Variants in USP34 observed in about 807,000 individuals in gnomAD.
USP34 encodes the protein ubiquitin carboxyl-terminal hydrolase 34.
Under a neutral mutation model 460.3 loss-of-function variants are expected in USP34, and 70 were observed. The ratio of observed to expected loss-of-function variants is 0.15; its 90% CI spans 0.13 to 0.19. The LOEUF (loss-of-function observed/expected upper bound fraction) is 0.19, where lower values mean the gene tolerates loss of function less well. Among genes scored for constraint, USP34 ranks in the 10% least tolerant of loss-of-function variants. USP34 has a pLI of 1.00. For synonymous variants in USP34, 1,647 were observed against 1,405.3 expected, an observed-to-expected ratio of 1.17 and a Z score of -3.85; for missense variants, 3,985 against 4,236.2, an observed-to-expected ratio of 0.94 and a Z score of 1.65.
At chr2:61,215,592 T>C (rs543007682) in intron 67 of USP34, among the ~76,000 whole-genome samples, 4 of 152,308 alleles carry the variant, frequency 2.6e-5, no homozygotes, top group African/African-American at 9.6e-5. Context: ...CATTTAATCC[T>C]CACAATGACC....
intron 34 of USP34, 23 bp downstream of exon 34, chr2:61,288,654 A>C (rs748178876): frequency 6.2e-7 from 1 of 1,604,362 alleles, no homozygotes; most frequent in East Asian, 2.2e-5. Flanking sequence ...ATTCATCATT[A>C]AACATTAATT....
intron 78 of USP34, 188 bp from the exon 79 acceptor site, chr2:61,189,257 T>G: frequency 1.9e-6 from 1 of 522,792 alleles, no homozygotes; most frequent in East Asian, 3.5e-5. Flanking sequence ...ATTTCATTAG[T>G]TGTTTTTTTT....
intron 49 of USP34, among the ~76,000 whole-genome samples, 174 bp downstream of exon 49, chr2:61,248,337 A>G (rs1688479470): frequency 6.6e-6 from 1 of 152,176 alleles, no homozygotes; most frequent in Admixed American, 6.5e-5. Flanking sequence ...TAGTCCTAGT[A>G]GATACTAAAT....
chr2:61,454,860 T>A (rs969895054), intron 1 of USP34, among the ~76,000 whole-genome samples: 1 of 74,200 alleles, frequency 1.3e-5, no homozygotes, highest in Admixed American at 1.3e-4. Context: ...TATAGTGGGG[T>A]TTTTTTTTTC....
chr2:61,448,635 GT>G (rs1695185372), intron 1 of USP34, among the ~76,000 whole-genome samples: 1 of 152,062 alleles, frequency 6.6e-6, no homozygotes, highest in Non-Finnish European at 1.5e-5. Context: ...TAAAGAAACT[GT>G]TTCCATCCAT....
At chr2:61,200,901 T>C (rs769903344) in intron 75 of USP34, 7 of 152,208 alleles carry the variant, frequency 4.6e-5, no homozygotes, top group Admixed American at 3.9e-4. Context: ...AATGATAGGA[T>C]TGTTTTTAGG....
chr2:61,285,077 A>G, intron 34 of USP34, 120 bp from the exon 35 acceptor site: 1 of 651,724 alleles, frequency 1.5e-6, no homozygotes, highest in East Asian at 2.8e-5. Flanking sequence ...CAAAATTCCA[A>G]ATTATTTTGA....
chr2:61,294,300 C>T (rs966117170), intron 32 of USP34, among the ~76,000 whole-genome samples: 12 of 151,684 alleles, frequency 7.9e-5, no homozygotes, highest in African/African-American at 1.9e-4. Context: ...AAGCAGAGAT[C>T]GCGCTGCTGC....
intron 1 of USP34, among the ~76,000 whole-genome samples, chr2:61,425,018 C>G (rs1280105642): frequency 6.6e-6 from 1 of 152,112 alleles, no homozygotes; most frequent in African/African-American, 2.4e-5. Context: ...CAGGGTTTCA[C>G]CACGTTGGCC....
chr2:61,414,028 C>T (rs866160272), intron 2 of USP34, among the ~76,000 whole-genome samples: 1 of 151,912 alleles, frequency 6.6e-6, no homozygotes, highest in South Asian at 2.1e-4. Context: ...GAGGCCAAGG[C>T]GGGTGGACTG....
At chr2:61,246,810 A>G (rs1328760709) in intron 49 of USP34, among the ~76,000 whole-genome samples, 2 of 152,152 alleles carry the variant, frequency 1.3e-5, no homozygotes, top group Non-Finnish European at 2.9e-5. Flanking sequence ...ACTTCAATAT[A>G]AAGTATAAAT....
Position 61,241,666 on chromosome 2 carries a change from C to T in USP34, c.6682-11G>A. The stretch of plus-strand genomic sequence containing the variant: ...ATATGCACTGTGTGTCTTTAAGAGG[C>T]AAGAAAAAAATTTATTTTCATTTTG... On this transcript the variant is annotated splice_polypyrimidine_tract_variant and intron_variant, in intron 52 of 79. Coordinates refer to ENST00000398571, the MANE Select transcript of USP34 (RefSeq NM_014709.4). The T allele has an allele frequency of 6.4e-7, 1 of 1,552,352 alleles. No individual in the cohort carries two copies.
intron 23 of USP34, among the ~76,000 whole-genome samples, chr2:61,317,372 C>G (rs555120131): frequency 5.9e-5 from 9 of 152,146 alleles, no homozygotes; most frequent in African/African-American, 2.2e-4. Context: ...ACCAAAAATA[C>G]AAAAATTAGC....
In USP34 at chr2:61,229,396, C is replaced by A. The variant is rs1039678267; in HGVS notation, c.7199+152G>T. On this transcript the variant is annotated intron_variant, in intron 59 of 79. Coordinates refer to ENST00000398571, the MANE Select transcript of USP34 (RefSeq NM_014709.4). ...TAGCAATTTGGGAGGCCGAGGCGGG[C>A]GGATCATTTGAACTTACGAGTTTGA... The A allele has an allele frequency of 1.0e-5, 5 of 479,074 alleles. No homozygotes were observed. In the South Asian group the frequency reaches 2.2e-4, roughly 21 times the overall value. The allele number at this position is 479,074 out of a possible 1,614,324, so 29.7% of individuals were successfully genotyped here.
chr2:61,316,922 C>A (rs1312313698), intron 23 of USP34, among the ~76,000 whole-genome samples: 3 of 151,946 alleles, frequency 2.0e-5, no homozygotes, highest in Admixed American at 1.3e-4. Context: ...AAAAATAATT[C>A]TTTTTCCTTT....
intron 75 of USP34, chr2:61,193,940 G>A (rs1217710457): frequency 4.3e-6 from 1 of 234,162 alleles, no homozygotes; most frequent in Non-Finnish European, 7.0e-6. Flanking sequence ...CTGTCTTTCA[G>A]TAAAACTTTA....
chr2:61,228,993 G>A lies in USP34; in HGVS notation c.7202C>T (p.Ser2401Leu), dbSNP rs759542943. ...TTCTACTGAGGTATCCATATCATCTGACCTAAGAGACAATTAAATAGATCT... is the reference window on the plus strand; with the variant it reads ...TTCTACTGAGGTATCCATATCATCTAACCTAAGAGACAATTAAATAGATCT... ...LYLQPGMEDG[S>L]DDMDTSVEDI... is the part of the protein sequence containing the mutation. The change falls in exon 60 of 80, where the codon TCA becomes TTA. Residue 2401 changes from serine (S) to leucine (L), a missense_variant and splice_region_variant. Ser to Leu is a moderately radical substitution (Grantham distance 145). Coordinates refer to ENST00000398571, the MANE Select transcript of USP34 (RefSeq NM_014709.4). The A allele has an allele frequency of 1.9e-5, 29 of 1,558,380 alleles. No individual in the cohort carries two copies. The highest frequency in any genetic ancestry group is 2.3e-5 in the Non-Finnish European group (27 of 1,152,176).
intron 48 of USP34, 152 bp downstream of exon 48, chr2:61,256,232 C>G (rs1426179175): frequency 3.0e-6 from 2 of 671,940 alleles, no homozygotes; most frequent in East Asian, 2.9e-5. Context: ...CACTGAACAA[C>G]TAGATGAAAA....
At chr2:61,292,543 A>C (rs1237850260) in intron 33 of USP34, among the ~76,000 whole-genome samples, 1 of 152,220 alleles carries the variant, frequency 6.6e-6, no homozygotes, top group Admixed American at 6.5e-5. Context: ...GTCTTGGCCC[A>C]CATGTAAAAT....
Sources: allele counts gnomAD v4.1 joint callset (sites outside exome capture counted in the v4.1 genomes callset), GRCh38; gene constraint gnomAD v4.1.1; transcripts MANE v1.5; gene names NCBI Gene and HGNC (gene_info 2026-07-23, HGNC 2026-07-21).